TTC14: variants seen among roughly 807,000 people sequenced by gnomAD.
TTC14 encodes the protein tetratricopeptide repeat protein 14.
TTC14 carries 63 observed loss-of-function variants against 79.9 expected under a neutral mutation model. The ratio of observed to expected loss-of-function variants is 0.79; its 90% CI spans 0.64 to 0.97. The LOEUF is 0.97. Among genes scored for constraint, TTC14 ranks in the 50% least tolerant of loss-of-function variants. The pLI is 0.00. For synonymous variants in TTC14, 335 were observed against 309.6 expected (o/e 1.08, Z -0.86); for missense variants, 895 against 894.0 (o/e 1.00, Z -0.01).
rs1443163069 is a variant in TTC14, at chr3:180,610,984, T to A, written c.*442T>A. 1.1e-6 allele frequency: 1 copy of A among 944,974 alleles called. No homozygotes were observed. The highest frequency in any genetic ancestry group is 1.2e-4 in the East Asian group (1 of 8,608). The allele number at this position is 944,974 out of a possible 1,614,324, so 58.5% of individuals were successfully genotyped here. On this transcript the variant is annotated 3_prime_UTR_variant, in exon 12 of 12. Coordinates refer to ENST00000296015, the MANE Select transcript of TTC14 (RefSeq NM_133462.4). Reference sequence around the variant, plus strand: ...TCGTCAGCTTTTGAAAGATTATATGTTCGAATGTTTCTTGAACACTTTTAT... The same window carrying A: ...TCGTCAGCTTTTGAAAGATTATATGATCGAATGTTTCTTGAACACTTTTAT...
At chr3:180,603,974 T>C in intron 3 of TTC14, 1 of 489,230 alleles carries the variant, frequency 2.0e-6, no homozygotes, top group East Asian at 3.7e-5. Flanking sequence ...TGTTGTATAC[T>C]GTCATAAGCC....
At chr3:180,606,456 C>T (rs2108393943) in intron 8 of TTC14, 25 bp from the exon 9 acceptor site, 2 of 1,613,282 alleles carry the variant, frequency 1.2e-6, no homozygotes, top group Non-Finnish European at 1.7e-6. Flanking sequence ...AGATACAGCC[C>T]TCTATCTTTG....
In TTC14 at chr3:180,606,174, T is replaced by C. The variant is rs186862789; in HGVS notation, c.930-79T>C. On this transcript the variant is annotated intron_variant, in intron 7 of 11. Transcript: ENST00000296015. ...TTTTGCCAAGTTTGATGACATTTGC[T>C]TTTAAAACTTATTCACACTAACATT... is the stretch of plus-strand genomic sequence containing the variant. The C allele has an allele frequency of 4.2e-4, 663 of 1,577,658 alleles. 1 individual carries two copies. Among genetic ancestry groups the C allele is most frequent in the Non-Finnish European group, 5.5e-4 (637 of 1,161,908 alleles).
chr3:180,607,860 TA>T, intron 10 of TTC14, 95 bp downstream of exon 10: 2 of 1,531,974 alleles, frequency 1.3e-6, no homozygotes, highest in Non-Finnish European at 1.7e-6. Context: ...ATTACTTAAG[TA>T]AGGCATTATG....
intron 11 of TTC14, 104 bp from the exon 12 acceptor site, chr3:180,609,526 A>G (rs1716871827): frequency 1.5e-6 from 2 of 1,362,658 alleles, no homozygotes; most frequent in East Asian, 2.7e-5. Context: ...TATCTGAACC[A>G]CAGCTTTTAT....
At chr3:180,608,383 A>C (rs1716807536) in intron 10 of TTC14, 22 of 987,560 alleles carry the variant, frequency 2.2e-5, no homozygotes, top group Non-Finnish European at 2.6e-5. Context: ...TTTAAAAATA[A>C]TTTTTATGTA....
chr3:180,614,810 TACC>T (rs1210434694), downstream of TTC14: 8 of 932,134 alleles, frequency 8.6e-6, no homozygotes, highest in Non-Finnish European at 1.1e-5. Context: ...TTTTTACACT[TACC>T]ACTAAGTTTT....
downstream of TTC14, chr3:180,615,178 C>A: frequency 4.7e-6 from 4 of 849,136 alleles, no homozygotes; most frequent in Non-Finnish European, 7.0e-6. Context: ...TAAGTAAAGA[C>A]ATCAAAAAAG....
downstream of TTC14, among the ~76,000 whole-genome samples, chr3:180,612,909 C>T (rs1407715110): frequency 6.6e-6 from 1 of 152,068 alleles, no homozygotes; most frequent in African/African-American, 2.4e-5. Flanking sequence ...TCACCCTATC[C>T]AAAAGTGAGC....
chr3:180,603,468 A>C, intron 3 of TTC14, 145 bp downstream of exon 3: 1 of 741,260 alleles, frequency 1.3e-6, no homozygotes, highest in East Asian at 2.7e-5. Flanking sequence ...AAATAGTTTA[A>C]AAAAATTAGT....
Position 180,609,966 on chromosome 3 carries a change from C to T in TTC14, c.1737C>T (p.Leu579=), listed in dbSNP as rs1246687708. Reference sequence around the variant, plus strand: ...TAAAAGAGAAAGATAGATGCCCTCTCTCTTCATCTTCACTTGAAATACCGG... The same window carrying T: ...TAAAAGAGAAAGATAGATGCCCTCTTTCTTCATCTTCACTTGAAATACCGG... ...TQIKEKDRCP[L]SSSSLEIPDD... is the part of the protein sequence containing the mutation. Residue 579 remains leucine, a synonymous_variant, in exon 12 of 12, where the codon CTC becomes CTT. Transcript: ENST00000296015. The T allele has an allele frequency of 6.2e-7, 1 of 1,614,052 alleles. No individual in the cohort carries two copies. Among genetic ancestry groups the T allele is most frequent in the Non-Finnish European group, 8.5e-7 (1 of 1,179,948 alleles).
downstream of TTC14, chr3:180,614,934 T>G (rs1341974631): frequency 1.2e-5 from 18 of 1,562,700 alleles, no homozygotes; most frequent in Non-Finnish European, 1.6e-5. Context: ...TTTGCTGCTC[T>G]TTTTGCTCTT....
chr3:180,604,993 G>T lies in TTC14; in HGVS notation c.843G>T (p.Met281Ile). 6.2e-7 allele frequency: 1 copy of T among 1,612,874 alleles called. No homozygotes were observed. Among genetic ancestry groups the T allele is most frequent in the Non-Finnish European group, 8.5e-7 (1 of 1,179,570 alleles). ...GIDESNPPSL[M>I]RGLQSKNFSE... ...ATGAATCTAATCCACCATCTTTAATGAGAGGCCTACAAAGGTATAGTACAT... is the reference window on the plus strand; with the variant it reads ...ATGAATCTAATCCACCATCTTTAATTAGAGGCCTACAAAGGTATAGTACAT... The change falls in exon 6 of 12, where the codon ATG becomes ATT. Residue 281 changes from methionine (M) to isoleucine (I), a missense_variant. Physicochemically the swap from Met to Ile is conservative, Grantham distance 10. Coordinates refer to ENST00000296015, the MANE Select transcript of TTC14 (RefSeq NM_133462.4).
chr3:180,612,260 A>T (rs562614932), downstream of TTC14, among the ~76,000 whole-genome samples: 385 of 151,910 alleles, frequency 2.5e-3, no homozygotes, highest in African/African-American at 8.9e-3. Context: ...CATTTAAAAA[A>T]TTTTTTTTTC....
At chr3:180,603,497 C>T in intron 3 of TTC14, 174 bp downstream of exon 3, 1 of 619,134 alleles carries the variant, frequency 1.6e-6, no homozygotes. Context: ...CCCAGTTTCT[C>T]CCTCCATTTC....
chr3:180,612,818 C>G (rs1717080660), downstream of TTC14, among the ~76,000 whole-genome samples: 1 of 152,192 alleles, frequency 6.6e-6, no homozygotes, highest in Admixed American at 6.5e-5. Context: ...AACAGACAAC[C>G]TGCAGAATGG....
chr3:180,616,290 A>G, intron 12 of TTC14: 1 of 1,610,710 alleles, frequency 6.2e-7, no homozygotes, highest in Admixed American at 1.7e-5. Flanking sequence ...CCTTGCTGAT[A>G]GTGAAGTATG....
chr3:180,606,214 T>G (rs1211021990), intron 7 of TTC14, 39 bp from the exon 8 acceptor site: 7 of 1,606,444 alleles, frequency 4.4e-6, no homozygotes, highest in Non-Finnish European at 5.9e-6. Flanking sequence ...TTAGATATTG[T>G]TTGAAGTGTT....
chr3:180,609,456 C>T (rs938478814), intron 11 of TTC14, 174 bp from the exon 12 acceptor site: 3 of 1,292,592 alleles, frequency 2.3e-6, no homozygotes, highest in Non-Finnish European at 2.9e-6. Flanking sequence ...AGCATTTTTT[C>T]CCCCAAAAGT....
Sources: allele counts gnomAD v4.1 joint callset (sites outside exome capture counted in the v4.1 genomes callset), GRCh38; gene constraint gnomAD v4.1.1; transcripts MANE v1.5; gene names NCBI Gene and HGNC (gene_info 2026-07-23, HGNC 2026-07-21).